The following GGCX variants were observed in gnomAD, a reference collection of about 807,000 sequenced individuals.
The protein encoded by GGCX is vitamin K-dependent gamma-carboxylase.
GGCX carries 63 observed loss-of-function variants against 88.5 expected under a neutral mutation model. That is an observed-to-expected ratio of 0.71 (90% CI 0.58 to 0.88). GGCX has a LOEUF of 0.88. Among genes scored for constraint, GGCX ranks in the 40% least tolerant of loss-of-function variants. GGCX has a pLI of 0.00. For synonymous variants in GGCX, 368 were observed against 365.8 expected, an observed-to-expected ratio of 1.01 and a Z score of -0.07; for missense variants, 805 against 932.9, an observed-to-expected ratio of 0.86 and a Z score of 1.79.
At chr2:85,556,287 G>A (rs905853952) in intron 4 of GGCX, 27 bp from the exon 5 acceptor site, 2 of 1,433,330 alleles carry the variant, frequency 1.4e-6, no homozygotes, top group East Asian at 2.3e-5. Context: ...AAACATTGAG[G>A]GGGGAGCTGC....
At chr2:85,554,454 TTTG>T (rs60769490) in intron 6 of GGCX, 148 bp from the exon 7 acceptor site, 1,142 of 638,656 alleles carry the variant, frequency 1.8e-3, no homozygotes, top group East Asian at 4.8e-3. Flanking sequence ...CTCTAGGTTG[TTTG>T]TTGTTGTTGT....
intron 4 of GGCX, among the ~76,000 whole-genome samples, chr2:85,556,572 A>G (rs1692212571): frequency 6.6e-6 from 1 of 152,194 alleles, no homozygotes; most frequent in Admixed American, 6.5e-5. Flanking sequence ...AAGGGGAGGA[A>G]TTTGATGGAG....
chr2:85,555,525 G>C lies in GGCX; in HGVS notation c.684C>G (p.Ser228=). ...GCCAGTGCCGGGACAAATATTCCATGGAATAGCCTTCAACCCAGTCTGCAT... is the reference window on the plus strand; with the variant it reads ...GCCAGTGCCGGGACAAATATTCCATCGAATAGCCTTCAACCCAGTCTGCAT... ...KLDADWVEGY[S]MEYLSRHWLF... The change falls in exon 6 of 15, where the codon TCC becomes TCG. Residue 228 remains serine, a synonymous_variant. Transcript: ENST00000233838. 6.2e-7 allele frequency: 1 copy of C among 1,606,076 alleles called. No homozygotes were observed. Among genetic ancestry groups the C allele is most frequent in the Non-Finnish European group, 8.5e-7 (1 of 1,172,712 alleles).
Position 85,549,778 on chromosome 2 carries a change from C to CT in GGCX, c.*155dup. The stretch of plus-strand genomic sequence containing the variant: ...TATTTGCTTTATTTCCTTGGTTCCT[C>CT]TAAGTTGTAATCTCGGAGTTAAAAA... On this transcript the variant is annotated 3_prime_UTR_variant, in exon 15 of 15. Coordinates refer to ENST00000233838, the MANE Select transcript of GGCX (RefSeq NM_000821.7). The CT allele has an allele frequency of 4.6e-6, 3 of 649,236 alleles. No individual in the cohort carries two copies. In the Admixed American group the frequency reaches 7.9e-5, roughly 17 times the overall value. The allele number at this position is 649,236 out of a possible 1,614,324, so 40.2% of individuals were successfully genotyped here.
Position 85,550,068 on chromosome 2 carries a change from G to A in GGCX, c.2143C>T (p.Gln715Ter). 6.2e-7 allele frequency: 1 copy of A among 1,613,184 alleles called. No homozygotes were observed. The highest frequency in any genetic ancestry group is 8.5e-7 in the Non-Finnish European group (1 of 1,179,208). Residue 715 changes from glutamine to a stop codon, truncating the protein, a stop_gained, in exon 15 of 15, where the codon CAG (glutamine) becomes TAG (stop). Transcript: ENST00000233838. LOFTEE classifies it low-confidence loss of function (END_TRUNC). ...GCATAAGTCACCTCCTGGGCCAGCT[G>A]CTCCAGGGAAGGACGGCCTAATATC... ...NLILGRPSLE[Q>*]LAQEVTYANL...
rs1691662202 is a variant in GGCX, at chr2:85,546,320, G to C, written c.*3614C>G. The C allele has an allele frequency of 6.6e-6, 1 of 152,220 alleles. No individual in the cohort carries two copies. The highest frequency in any genetic ancestry group is 2.4e-5 in the African/African-American group (1 of 41,438). 9.4% of individuals were successfully genotyped at this position (152,220 alleles called of 1,614,324 possible). On this transcript the variant is annotated 3_prime_UTR_variant, in exon 15 of 15. Coordinates refer to ENST00000233838, the MANE Select transcript of GGCX (RefSeq NM_000821.7). ...CACCTGTAGTCCCAGCTACTCAGGAGGCCGAGGCAGGAGAATGGCGTGAAC... is the reference window on the plus strand; with the variant it reads ...CACCTGTAGTCCCAGCTACTCAGGACGCCGAGGCAGGAGAATGGCGTGAAC...
chr2:85,561,312 G>T, intron 1 of GGCX, 74 bp downstream of exon 1: 3 of 791,584 alleles, frequency 3.8e-6, no homozygotes, highest in Non-Finnish European at 6.0e-6. Context: ...GACACTGGGC[G>T]TCCTCCCGCC....
Position 85,548,902 on chromosome 2 carries a change from A to T in GGCX, c.*1032T>A, listed in dbSNP as rs6720768. The stretch of plus-strand genomic sequence containing the variant: ...AATACCAAATACTAAGCTTATTTTT[A>T]GAGAAAATCTAGCAATCATCTAGAT... On this transcript the variant is annotated 3_prime_UTR_variant, in exon 15 of 15. Transcript: ENST00000233838. 101 of 152,336 alleles carry T rather than the reference A, an allele frequency of 6.6e-4. No individual in the cohort carries two copies. Among genetic ancestry groups the T allele is most frequent in the African/African-American group, 2.3e-3 (96 of 41,576 alleles). The allele number at this position is 152,336 out of a possible 1,614,324, so 9.4% of individuals were successfully genotyped here.
At position 85,549,697 on chromosome 2, in the gene GGCX, A is replaced by G. The variant is rs1289012764; in HGVS notation, c.*237T>C. On this transcript the variant is annotated 3_prime_UTR_variant, in exon 15 of 15. Transcript: ENST00000233838. ...ACTTTAAACCTTATCCTAGGAGGAC[A>G]GTTTCACATTGCGTCTAACCTCTTC... The G allele has an allele frequency of 7.7e-6, 4 of 517,046 alleles. No homozygotes were observed. Among genetic ancestry groups the G allele is most frequent in the Non-Finnish European group, 1.4e-5 (4 of 288,736 alleles). The allele number at this position is 517,046 out of a possible 1,614,324, so 32.0% of individuals were successfully genotyped here.
At chr2:85,560,755 AAT>A in intron 2 of GGCX, 58 bp downstream of exon 2, 2 of 1,360,108 alleles carry the variant, frequency 1.5e-6, no homozygotes, top group South Asian at 2.3e-5. Flanking sequence ...GCAACCAAAA[AAT>A]AGAGATTGTC....
In GGCX at chr2:85,545,652, C is replaced by G. The variant is rs1006291411; in HGVS notation, c.*4282G>C. ...AATTCATGTGTCCTTATTGCAGCAGCCATTCAATGCCATTTTTAAGTTTTC... is the reference window on the plus strand; with the variant it reads ...AATTCATGTGTCCTTATTGCAGCAGGCATTCAATGCCATTTTTAAGTTTTC... On this transcript the variant is annotated 3_prime_UTR_variant, in exon 15 of 15. Transcript: ENST00000233838. 6.6e-6 allele frequency: 1 copy of G among 152,098 alleles called. No individual in the cohort carries two copies. The highest frequency in any genetic ancestry group is 2.4e-5 in the African/African-American group (1 of 41,370). The allele number at this position is 152,098 out of a possible 1,614,324, so 9.4% of individuals were successfully genotyped here. A position where few individuals can be genotyped will look rare whatever the true frequency, so the allele number is the denominator to read the frequency against.
rs1164139683 is a variant in GGCX at position 85,546,945 on chromosome 2, GT to G, written c.*2988del. 6.6e-6 allele frequency: 1 copy of G among 152,220 alleles called. No individual in the cohort carries two copies. Among genetic ancestry groups the G allele is most frequent in the Non-Finnish European group, 1.5e-5 (1 of 68,042 alleles). The allele number at this position is 152,220 out of a possible 1,614,324, so 9.4% of individuals were successfully genotyped here. On this transcript the variant is annotated 3_prime_UTR_variant, in exon 15 of 15. Transcript: ENST00000233838. Reference sequence around the variant, plus strand: ...CCAAGTTGGTAGAATAGCATGAGAAGTTTTCAAAAGTAACCGCTTTAAGGTT... The same window carrying G: ...CCAAGTTGGTAGAATAGCATGAGAAGTTTCAAAAGTAACCGCTTTAAGGTT...
Position 85,553,286 on chromosome 2 carries a change from G to C in GGCX, c.1101C>G (p.Thr367=), listed in dbSNP as rs751159158. The C allele has an allele frequency of 2.5e-6, 4 of 1,614,234 alleles. No homozygotes were observed. Among genetic ancestry groups the C allele is most frequent in the East Asian group, 4.5e-5 (2 of 44,892 alleles). The stretch of plus-strand genomic sequence containing the variant: ...ATAGCTGCTCCAGGAGGTAGAGCAG[G>C]GTGAAGGCAGCTCCCAGCTGATGGC... ...GLRHQLGAAF[T]LLYLLEQLFL... is the part of the protein sequence containing the mutation. The change falls in exon 8 of 15, where the codon ACC becomes ACG. Residue 367 remains threonine (T), a synonymous_variant. Transcript: ENST00000233838.
rs75979607 is a variant in GGCX at position 85,561,288 on chromosome 2, C to G, written c.43+98G>C. 685 of 669,670 alleles carry G rather than the reference C, an allele frequency of 1.0e-3. 2 individuals are homozygous for G. The highest frequency in any genetic ancestry group is 1.3e-3 in the Non-Finnish European group (503 of 382,928). 41.5% of individuals were successfully genotyped at this position (669,670 alleles called of 1,614,324 possible). A position where few individuals can be genotyped will look rare whatever the true frequency, so the allele number is the denominator to read the frequency against. On this transcript the variant is annotated intron_variant, in intron 1 of 14. Coordinates refer to ENST00000233838, the MANE Select transcript of GGCX (RefSeq NM_000821.7). ...CCCTTCCCCACAGAGGACCCCCCCC[C>G]CGCCTCACCGGGAGACACTGGGCGT...
intron 11 of GGCX, 70 bp from the exon 12 acceptor site, chr2:85,551,680 C>T: frequency 1.3e-6 from 2 of 1,589,960 alleles, no homozygotes; most frequent in South Asian, 1.1e-5. Context: ...AGAACAGAGA[C>T]ATCACACCTT....
intron 10 of GGCX, 67 bp from the exon 11 acceptor site, chr2:85,552,048 C>G (rs1691982926): frequency 8.6e-6 from 10 of 1,158,480 alleles, no homozygotes; most frequent in Non-Finnish European, 1.3e-5. Flanking sequence ...CCAGTTCTCT[C>G]CCTTTCATCA....
Position 85,550,650 on chromosome 2 carries a change from T to C in GGCX, c.1989A>G (p.Gln663=). ...TPLVQTFLRR[Q]QRLQEIERRR... is the part of the protein sequence containing the mutation. ...GGCGTTCAATCTCCTGGAGCCTTTG[T>C]TGGCGTCTAAGAAAGGTCTGAACCA... The change falls in exon 14 of 15, where the codon CAA becomes CAG. Residue 663 remains glutamine (Q), a synonymous_variant. Coordinates refer to ENST00000233838, the MANE Select transcript of GGCX (RefSeq NM_000821.7). The C allele has an allele frequency of 1.2e-6, 2 of 1,614,074 alleles. No homozygotes were observed. Among genetic ancestry groups the C allele is most frequent in the East Asian group, 2.2e-5 (1 of 44,888 alleles).
chr2:85,561,017 C>A (rs1254898), intron 1 of GGCX, 32 bp from the exon 2 acceptor site: 1 of 1,566,658 alleles, frequency 6.4e-7, no homozygotes, highest in Non-Finnish European at 8.8e-7. Context: ...AATATGTGTG[C>A]GGGGGTGGGC....
chr2:85,549,740 G>A lies in GGCX; in HGVS notation c.*194C>T. 1 of 596,772 alleles carries A rather than the reference G, an allele frequency of 1.7e-6. No homozygotes were observed. The highest frequency in any genetic ancestry group is 2.0e-5 in the South Asian group (1 of 50,358). The allele number at this position is 596,772 out of a possible 1,614,324, so 37.0% of individuals were successfully genotyped here. ...ACCTCTTCCTGGCCTCTTAATCTTG[G>A]GTTGTTAAATCTTATTTGCTTTATT... is the stretch of plus-strand genomic sequence containing the variant. On this transcript the variant is annotated 3_prime_UTR_variant, in exon 15 of 15. Transcript: ENST00000233838.
Sources: gnomAD v4.1 joint callset for allele counts (sites outside exome capture counted in the v4.1 genomes callset) on GRCh38, gnomAD v4.1.1 for gene constraint, MANE v1.5 for transcripts, NCBI Gene and HGNC (gene_info 2026-07-23, HGNC 2026-07-21) for gene names.